Variants in NIBAN2 observed in about 807,000 individuals in gnomAD.
The protein encoded by NIBAN2 is niban apoptosis regulator 2, also known as protein Niban 2.
Under a neutral mutation model 81.8 loss-of-function variants are expected in NIBAN2, and 36 were observed. The ratio of observed to expected loss-of-function variants is 0.44; its 90% CI spans 0.34 to 0.58. The LOEUF is 0.58. Ranked by LOEUF, NIBAN2 falls within the 20% of genes least tolerant of loss-of-function variation. The probability of loss-of-function intolerance (pLI) is 0.02; values close to 1 mark genes in which losing one functional copy is unlikely to be tolerated. For missense variants in NIBAN2, 897 were observed against 1,014.1 expected (o/e 0.88, Z 1.57); for synonymous variants, 445 against 441.6 (o/e 1.01, Z -0.10).
Position 127,525,058 on chromosome 9 carries a change from C to T in NIBAN2, c.421G>A (p.Gly141Arg). ...TGGCCTGGGATGGGTGCTCCTTTAC[C>T]TGGTAAGGAGTTGCCAATGAGCTCC... ...YLELIGNSLP[G>R]TTAKSGSAPI... The change falls in exon 4 of 14, where the codon GGG becomes AGG. Residue 141 changes from glycine to arginine, a missense_variant and splice_region_variant. By Grantham distance (125) the Gly-to-Arg change is moderately radical (BLOSUM62 -2). Coordinates refer to ENST00000373312, the MANE Select transcript of NIBAN2 (RefSeq NM_022833.4). The T allele has an allele frequency of 6.2e-7, 1 of 1,609,518 alleles. No homozygotes were observed. Among genetic ancestry groups the T allele is most frequent in the Non-Finnish European group, 8.5e-7 (1 of 1,175,768 alleles).
rs867159278 is a variant in NIBAN2, at chr9:127,509,224, C to A, written c.1162-93G>T. 1.1e-4 allele frequency: 145 copies of A among 1,310,842 alleles called. 1 individual carries two copies. In the Middle Eastern group the frequency reaches 2.3e-3, roughly 21 times the overall value. 81.2% of individuals were successfully genotyped at this position (1,310,842 alleles called of 1,614,324 possible). On this transcript the variant is annotated intron_variant, in intron 9 of 13. Coordinates refer to ENST00000373312, the MANE Select transcript of NIBAN2 (RefSeq NM_022833.4). The stretch of plus-strand genomic sequence containing the variant: ...TTTGCCTGGGTCCTCGAAGTCCAGG[C>A]CCTGGGGCTGGCGCCTGCTACCAGG...
In NIBAN2 at chr9:127,559,922, C is replaced by T. The variant is rs1238656583; in HGVS notation, c.55+8898G>A. Among the ~76,000 whole-genome samples the T allele has an allele frequency of 2.0e-5, 3 of 152,218 alleles. No homozygotes were observed. The highest frequency in any genetic ancestry group is 7.2e-5 in the African/African-American group (3 of 41,456). ...TAAGCACAAAGAGCTAAGGCCACAT[C>T]ATCTCACCGACCCTGCACAACAGCC... On this transcript the variant is annotated intron_variant, in intron 1 of 13. Coordinates refer to ENST00000373312, the MANE Select transcript of NIBAN2 (RefSeq NM_022833.4). The surrounding 1 kb of genome is among the most constrained non-coding windows in gnomAD (Gnocchi z 4.0).
Position 127,508,006 on chromosome 9 carries a change from A to T in NIBAN2, c.1543-28T>A. ...GCCCGGGTGGGGCGGCAGAGATGAG[A>T]GGTCAGGGCCAAGGGTAGAGGGAGG... On this transcript the variant is annotated intron_variant, in intron 12 of 13. Coordinates refer to ENST00000373312, the MANE Select transcript of NIBAN2 (RefSeq NM_022833.4). This position sits in a 1 kb window ranked among gnomAD's most constrained non-coding sequence, Gnocchi z 6.4. The T allele has an allele frequency of 6.2e-7, 1 of 1,613,012 alleles. No individual in the cohort carries two copies. The highest frequency in any genetic ancestry group is 8.5e-7 in the Non-Finnish European group (1 of 1,179,134).
chr9:127,573,618 C>G (rs970886565), upstream of NIBAN2, among the ~76,000 whole-genome samples: 4 of 152,090 alleles, frequency 2.6e-5, no homozygotes, highest in African/African-American at 9.7e-5. Flanking sequence ...ATGGAAACAT[C>G]TTTTCACACA....
intron 1 of NIBAN2, among the ~76,000 whole-genome samples, chr9:127,561,762 T>A (rs1837778033): frequency 6.6e-6 from 1 of 152,236 alleles, no homozygotes; most frequent in African/African-American, 2.4e-5. Flanking sequence ...AGTTTTAAAA[T>A]TTTTGAGATC....
At chr9:127,525,334 AGTGT>A (rs1837044112) in intron 3 of NIBAN2, among the ~76,000 whole-genome samples, 171 bp from the exon 4 acceptor site, 1 of 152,182 alleles carries the variant, frequency 6.6e-6, no homozygotes, top group Non-Finnish European at 1.5e-5. Context: ...TGATTGGGGC[AGTGT>A]GGCATCCACA....
Position 127,545,814 on chromosome 9 carries a change from G to A in NIBAN2, c.56-14036C>T, listed in dbSNP as rs1301149415. On this transcript the variant is annotated intron_variant, in intron 1 of 13. Coordinates refer to ENST00000373312, the MANE Select transcript of NIBAN2 (RefSeq NM_022833.4). This position sits in a 1 kb window ranked among gnomAD's most constrained non-coding sequence, Gnocchi z 4.7. Reference sequence around the variant, plus strand: ...TACACCTCGAGGCCGCCTGGTGGGAGGAAGTCCATTCCCATCTTGACACAA... The same window carrying A: ...TACACCTCGAGGCCGCCTGGTGGGAAGAAGTCCATTCCCATCTTGACACAA... Among the ~76,000 whole-genome samples the A allele has an allele frequency of 6.6e-6, 1 of 152,184 alleles. No individual in the cohort carries two copies. Among genetic ancestry groups the A allele is most frequent in the Non-Finnish European group, 1.5e-5 (1 of 68,028 alleles).
Position 127,517,012 on chromosome 9 carries a change from T to C in NIBAN2, c.818A>G (p.Asp273Gly). The change falls in exon 8 of 14, where the codon GAC (aspartate) becomes GGC (glycine). Residue 273 changes from aspartate (D) to glycine (G), a missense_variant. Physicochemically the swap from Asp to Gly is moderately conservative, Grantham distance 94. This residue lies in a region of NIBAN2 where 619 missense variants were observed against 691.0 expected (regional missense o/e 0.90). Coordinates refer to ENST00000373312, the MANE Select transcript of NIBAN2 (RefSeq NM_022833.4). The surrounding 1 kb of genome is among the most constrained non-coding windows in gnomAD (Gnocchi z 4.0). The part of the protein sequence containing the change: ...ERQRQWIQIS[D>G]AVYHMVYEQA... ...CTCGTACACCATGTGGTACACGGCG[T>C]CCGAGATCTGTGGGCAGAGCAGCTG... 6.2e-7 allele frequency: 1 copy of C among 1,613,186 alleles called. No homozygotes were observed. The highest frequency in any genetic ancestry group is 8.5e-7 in the Non-Finnish European group (1 of 1,179,486).
chr9:127,568,021 G>A (rs2060806351), intron 1 of NIBAN2, among the ~76,000 whole-genome samples: 1 of 152,184 alleles, frequency 6.6e-6, no homozygotes, highest in Non-Finnish European at 1.5e-5. Context: ...TCCAGAGTCT[G>A]TGGGGAAAAG....
chr9:127,535,194 G>A (rs372860716), intron 1 of NIBAN2, among the ~76,000 whole-genome samples: 10 of 152,382 alleles, frequency 6.6e-5, no homozygotes, highest in African/African-American at 2.2e-4. Context: ...CAAAGGGCTG[G>A]AGTCTGCCAC....
At position 127,508,957 on chromosome 9, in the gene NIBAN2, G is replaced by A. The variant is rs1419288218; in HGVS notation, c.1317+19C>T. 1 of 1,613,100 alleles carries A rather than the reference G, an allele frequency of 6.2e-7. No individual in the cohort carries two copies. Among genetic ancestry groups the A allele is most frequent in the Non-Finnish European group, 8.5e-7 (1 of 1,179,860 alleles). ...GCAGTGGACAGGGTGTGGGGTGGGG[G>A]TCGTAGCCTCGGGTCTACCTCCCGC... is the stretch of plus-strand genomic sequence containing the variant. On this transcript the variant is annotated intron_variant, in intron 10 of 13. Transcript: ENST00000373312. The surrounding 1 kb of genome is among the most constrained non-coding windows in gnomAD (Gnocchi z 6.4).
chr9:127,537,095 T>G (rs78932745), intron 1 of NIBAN2, among the ~76,000 whole-genome samples: 1,849 of 152,282 alleles, frequency 0.012, 89 homozygotes, highest in Admixed American at 0.092. Context: ...AGGCAGGGAA[T>G]GGAGTGGGGC....
Position 127,516,863 on chromosome 9 carries a change from T to C in NIBAN2, c.967A>G (p.Ile323Val). The C allele has an allele frequency of 6.2e-7, 1 of 1,612,532 alleles. No homozygotes were observed. Among genetic ancestry groups the C allele is most frequent in the Non-Finnish European group, 8.5e-7 (1 of 1,178,636 alleles). The change falls in exon 8 of 14, where the codon ATC becomes GTC. Residue 323 changes from isoleucine (I) to valine (V), a missense_variant. Ile to Val is a conservative substitution (Grantham distance 29, BLOSUM62 3). This residue lies in a region of NIBAN2 where 619 missense variants were observed against 691.0 expected (regional missense o/e 0.90). Coordinates refer to ENST00000373312, the MANE Select transcript of NIBAN2 (RefSeq NM_022833.4). ...ITSKEHLASK[I>V]RAFILPKAEV... ...CACGGGGGTGGCTGCCTACCTCGGA[T>C]CTTGCTGGCAAGGTGCTCCTTGGAG...
chr9:127,573,984 T>C (rs904683962), upstream of NIBAN2, among the ~76,000 whole-genome samples: 10 of 152,228 alleles, frequency 6.6e-5, no homozygotes, highest in African/African-American at 2.2e-4. Flanking sequence ...TTAAAATTTA[T>C]ATCCTCTGCC....
chr9:127,550,947 CCT>C (rs972968665), intron 1 of NIBAN2, among the ~76,000 whole-genome samples: 26 of 152,016 alleles, frequency 1.7e-4, no homozygotes, highest in African/African-American at 3.9e-4. Flanking sequence ...ACTTCAACCC[CCT>C]GTCCCGTGTG....
chr9:127,558,904 C>T (rs1837724148), intron 1 of NIBAN2, among the ~76,000 whole-genome samples: 1 of 152,020 alleles, frequency 6.6e-6, no homozygotes, highest in Non-Finnish European at 1.5e-5. Context: ...CAGTGCACCT[C>T]CCAGAACCTT....
intron 1 of NIBAN2, among the ~76,000 whole-genome samples, chr9:127,547,208 CCT>C (rs1185279779): frequency 6.6e-6 from 1 of 152,130 alleles, no homozygotes; most frequent in Non-Finnish European, 1.5e-5. Context: ...TCTCTCTGAA[CCT>C]CTGTTTCCTC....
At chr9:127,529,034 G>T (rs1317748890) in intron 2 of NIBAN2, among the ~76,000 whole-genome samples, 1 of 152,202 alleles carries the variant, frequency 6.6e-6, no homozygotes, top group Non-Finnish European at 1.5e-5. Context: ...GTGGGTTTGG[G>T]TTTTATTTTT....
intron 8 of NIBAN2, among the ~76,000 whole-genome samples, chr9:127,516,084 T>C (rs557642826): frequency 6.6e-5 from 10 of 151,734 alleles, no homozygotes; most frequent in African/African-American, 2.2e-4. Context: ...GGTCGTGCCA[T>C]TGCACTGCAG....
Sources: gnomAD v4.1 joint callset for allele counts (sites outside exome capture counted in the v4.1 genomes callset) on GRCh38, gnomAD v4.1.1 for gene constraint, gnomAD v4.1.1 regional missense constraint, Gnocchi (gnomAD v3.1) non-coding constraint, MANE v1.5 for transcripts, NCBI Gene and HGNC (gene_info 2026-07-23, HGNC 2026-07-21) for gene names.